The following CDH8 variants were observed in gnomAD, a reference collection of about 807,000 sequenced individuals.
The protein encoded by CDH8 is cadherin 8.
A neutral mutation model predicts 68.1 loss-of-function variants in CDH8; 17 were observed. The ratio of observed to expected loss-of-function variants is 0.25; its 90% CI spans 0.17 to 0.37. CDH8 has a LOEUF of 0.37. Among genes scored for constraint, CDH8 ranks in the 10% least tolerant of loss-of-function variants. The pLI, the probability that CDH8 is intolerant of heterozygous loss-of-function variation, is 1.00. For synonymous variants in CDH8, 372 were observed against 365.1 expected, an observed-to-expected ratio of 1.02 and a Z score of -0.21; for missense variants, 763 against 999.3, an observed-to-expected ratio of 0.76 and a Z score of 3.19.
chr16:61,782,031 T>A (rs1303092538), intron 8 of CDH8, among the ~76,000 whole-genome samples: 1 of 152,208 alleles, frequency 6.6e-6, no homozygotes, highest in Non-Finnish European at 1.5e-5. Context: ...TCAACTTGAC[T>A]GCATGTTCTC....
chr16:61,937,653 T>A (rs1268979585), intron 2 of CDH8, among the ~76,000 whole-genome samples: 1 of 152,112 alleles, frequency 6.6e-6, no homozygotes, highest in Non-Finnish European at 1.5e-5. Flanking sequence ...GTCATCTACT[T>A]CCCAACTTTT....
At chr16:61,708,499 T>C (rs1964572056) in intron 10 of CDH8, among the ~76,000 whole-genome samples, 1 of 152,058 alleles carries the variant, frequency 6.6e-6, no homozygotes, top group East Asian at 1.9e-4. Context: ...AGAAAGAAAA[T>C]GAAAATATGA....
At chr16:62,004,171 A>G (rs1488148461) in intron 2 of CDH8, among the ~76,000 whole-genome samples, 1 of 152,232 alleles carries the variant, frequency 6.6e-6, no homozygotes, top group Admixed American at 6.5e-5. Flanking sequence ...AACAACTACC[A>G]TAATATTTAG....
chr16:61,924,374 C>T (rs994479392), intron 2 of CDH8, among the ~76,000 whole-genome samples: 10 of 152,150 alleles, frequency 6.6e-5, no homozygotes, highest in Admixed American at 3.9e-4. Context: ...TAGGTTCTCA[C>T]GCATCATCTT....
intron 8 of CDH8, among the ~76,000 whole-genome samples, chr16:61,735,275 T>C (rs1460191617): frequency 6.6e-6 from 1 of 152,124 alleles, no homozygotes; most frequent in Admixed American, 6.6e-5. Context: ...CACTATTCAG[T>C]CCACTAAATT....
In CDH8 at chr16:61,647,965, G is replaced by A; in HGVS notation, c.*5643C>T. 1.6e-6 allele frequency: 1 copy of A among 644,312 alleles called. No homozygotes were observed. The highest frequency in any genetic ancestry group is 2.3e-5 in the Admixed American group (1 of 42,924). The allele number at this position is 644,312 out of a possible 1,614,324, so 39.9% of individuals were successfully genotyped here. ...GAAATAATACTTGCATTCAAGATGTGAATTAGATGGTGGCAGGTAACTCAA... is the reference window on the plus strand; with the variant it reads ...GAAATAATACTTGCATTCAAGATGTAAATTAGATGGTGGCAGGTAACTCAA... On this transcript the variant is annotated 3_prime_UTR_variant, in exon 12 of 12. Transcript: ENST00000577390.
In CDH8 at chr16:61,901,153, A is replaced by T. The variant is rs1451337330; in HGVS notation, c.547+26T>A. 7 of 1,595,176 alleles carry T rather than the reference A, an allele frequency of 4.4e-6. No individual in the cohort carries two copies. The Admixed American group carries it at 8.5e-5, about 19-fold the overall frequency. On this transcript the variant is annotated intron_variant, in intron 3 of 11. Transcript: ENST00000577390. ...CTATTCTAAAGATGACTTTTAATAG[A>T]TCTGTGAAATTGGAAGCATACATAC...
rs770422023 is a variant in CDH8 at position 61,651,370 on chromosome 16, T to C, written c.*2238A>G. On this transcript the variant is annotated 3_prime_UTR_variant, in exon 12 of 12. Transcript: ENST00000577390. ...TGTTCACTAGCCGTAATAATACGCA[T>C]AAAAGATGACTTATTCTCAGCAACA... The C allele has an allele frequency of 5.9e-5, 9 of 152,176 alleles. No individual in the cohort carries two copies. The highest frequency in any genetic ancestry group is 8.8e-5 in the Non-Finnish European group (6 of 68,032). The allele number at this position is 152,176 out of a possible 1,614,324, so 9.4% of individuals were successfully genotyped here.
intron 4 of CDH8, among the ~76,000 whole-genome samples, chr16:61,848,275 T>C (rs1247122238): frequency 4.6e-5 from 7 of 152,088 alleles, no homozygotes; most frequent in African/African-American, 1.7e-4. Flanking sequence ...CCCAGTGTAA[T>C]ATCAGGTGTT....
At chr16:61,890,545 TCA>T (rs1228887463) in intron 3 of CDH8, among the ~76,000 whole-genome samples, 2 of 152,252 alleles carry the variant, frequency 1.3e-5, no homozygotes, top group South Asian at 2.1e-4. Context: ...AGGCAACAAA[TCA>T]CAGTCCGCCA....
chr16:61,673,475 A>G (rs1461083711), intron 10 of CDH8, among the ~76,000 whole-genome samples: 1 of 152,170 alleles, frequency 6.6e-6, no homozygotes, highest in East Asian at 1.9e-4. Context: ...AAATGAAAAT[A>G]CAGCATTTCC....
At chr16:62,006,685 C>G (rs983163233) in intron 2 of CDH8, among the ~76,000 whole-genome samples, 1 of 152,004 alleles carries the variant, frequency 6.6e-6, no homozygotes, top group Non-Finnish European at 1.5e-5. Flanking sequence ...TACTAAGTAC[C>G]CATAAAAGTT....
chr16:61,789,646 G>A (rs1055159295), intron 7 of CDH8, among the ~76,000 whole-genome samples, 164 bp from the exon 8 acceptor site: 2 of 152,026 alleles, frequency 1.3e-5, no homozygotes, highest in Admixed American at 6.6e-5. Context: ...AATGAGGCAC[G>A]AGAAACTTAG....
At chr16:61,811,005 C>T (rs1961932176) in intron 7 of CDH8, among the ~76,000 whole-genome samples, 1 of 127,550 alleles carries the variant, frequency 7.8e-6, no homozygotes, top group Non-Finnish European at 1.6e-5. Context: ...GCCTGGGTGA[C>T]AGAGTGAGAC....
intron 2 of CDH8, among the ~76,000 whole-genome samples, chr16:61,951,942 T>G (rs966273915): frequency 6.6e-6 from 1 of 152,190 alleles, no homozygotes; most frequent in Non-Finnish European, 1.5e-5. Context: ...TTGCTGGAAT[T>G]CATTCATTGT....
intron 8 of CDH8, among the ~76,000 whole-genome samples, chr16:61,738,575 A>C (rs1959772333): frequency 6.6e-6 from 1 of 152,146 alleles, no homozygotes; most frequent in South Asian, 2.1e-4. Flanking sequence ...CTTTCTTTAT[A>C]TTTCATAAAT....
At chr16:61,676,015 C>T (rs1013208794) in intron 10 of CDH8, among the ~76,000 whole-genome samples, 3 of 151,140 alleles carry the variant, frequency 2.0e-5, no homozygotes, top group East Asian at 2.0e-4. Context: ...CCAGCAAACA[C>T]GAATTGTAGA....
At chr16:61,771,756 G>T (rs941475836) in intron 8 of CDH8, among the ~76,000 whole-genome samples, 1 of 151,914 alleles carries the variant, frequency 6.6e-6, no homozygotes, top group Non-Finnish European at 1.5e-5. Context: ...GTGAGTTACA[G>T]CTTTTTATTG....
intron 10 of CDH8, among the ~76,000 whole-genome samples, chr16:61,712,900 C>T (rs1964657081): frequency 6.6e-6 from 1 of 151,578 alleles, no homozygotes; most frequent in Admixed American, 6.6e-5. Context: ...TATCAAGATT[C>T]ACTATCCCTT....
Sources: gnomAD v4.1 joint callset for allele counts (sites outside exome capture counted in the v4.1 genomes callset) on GRCh38, gnomAD v4.1.1 for gene constraint, MANE v1.5 for transcripts, NCBI Gene and HGNC (gene_info 2026-07-23, HGNC 2026-07-21) for gene names.